PCNX2: variants seen among roughly 807,000 people sequenced by gnomAD.
The protein encoded by PCNX2 is pecanex 2, also known as pecanex-like protein 2.
In PCNX2, 168 loss-of-function variants were observed where a neutral mutation model predicts 223.8. The observed-to-expected ratio is 0.75, with a 90% confidence interval of 0.66 to 0.85. The LOEUF (loss-of-function observed/expected upper bound fraction) is 0.85, where lower values mean the gene tolerates loss of function less well. Ranked by LOEUF, PCNX2 falls within the 40% of genes least tolerant of loss-of-function variation. The probability of loss-of-function intolerance (pLI) is 0.00; values close to 1 mark genes in which losing one functional copy is unlikely to be tolerated. For synonymous variants in PCNX2, 1,006 were observed against 1,052.6 expected (o/e 0.96, Z 0.86); for missense variants, 2,507 against 2,675.5 (o/e 0.94, Z 1.39).
rs373174057 is a variant in PCNX2 at position 233,227,314 on chromosome 1, G to A, written c.2416C>T (p.Arg806Ter). The A allele has an allele frequency of 7.7e-5, 125 of 1,613,308 alleles. No homozygotes were observed. Among genetic ancestry groups the A allele is most frequent in the Non-Finnish European group, 9.8e-5 (116 of 1,179,666 alleles). ...ATGATAAATTTGTAAAACTGCTCTC[G>A]GTTAAATTTTCCTTGTGTTGAAGAA... ...SCSSTQGKFN[R>*]EQFYKFIIFP... is the part of the protein sequence containing the mutation. Residue 806 changes from arginine to a stop codon, truncating the protein, a stop_gained, in exon 10 of 34, where the codon CGA becomes TGA. Coordinates refer to ENST00000258229, the MANE Select transcript of PCNX2 (RefSeq NM_014801.4). LOFTEE classifies it high-confidence loss of function.
intron 13 of PCNX2, among the ~76,000 whole-genome samples, chr1:233,205,615 G>A (rs1178715441): frequency 1.3e-5 from 2 of 151,908 alleles, no homozygotes; most frequent in African/African-American, 4.8e-5. Flanking sequence ...AGAATCGCTT[G>A]AACCCAGGAG....
intron 25 of PCNX2, among the ~76,000 whole-genome samples, chr1:233,029,553 T>A (rs998483040): frequency 6.6e-6 from 1 of 152,290 alleles, no homozygotes; most frequent in Middle Eastern, 3.4e-3. Flanking sequence ...AAGAATGCCT[T>A]TTAAAGTTTC....
chr1:233,219,037 G>T (rs1368881156), intron 10 of PCNX2, among the ~76,000 whole-genome samples: 1 of 152,018 alleles, frequency 6.6e-6, no homozygotes, highest in Non-Finnish European at 1.5e-5. Context: ...GGGTGTGTCG[G>T]GTCCACACTG....
chr1:232,984,714 T>C (rs1163070209), intron 33 of PCNX2: 2 of 474,502 alleles, frequency 4.2e-6, no homozygotes, highest in Admixed American at 7.7e-5. Context: ...CCTTTCTGGA[T>C]GACTGCGCTG....
chr1:233,220,269 G>A lies in PCNX2; in HGVS notation c.2505-2085C>T, dbSNP rs538060479. On this transcript the variant is annotated intron_variant, in intron 10 of 33. Coordinates refer to ENST00000258229, the MANE Select transcript of PCNX2 (RefSeq NM_014801.4). ...TTCATGTGCAGTGTTTTGCATGGACGTATGTTTTCAACTCATTTGGGTAAA... is the reference window on the plus strand; with the variant it reads ...TTCATGTGCAGTGTTTTGCATGGACATATGTTTTCAACTCATTTGGGTAAA... Among the ~76,000 whole-genome samples the A allele has an allele frequency of 3.3e-5, 5 of 152,310 alleles. No individual in the cohort carries two copies. In the East Asian group the frequency reaches 7.7e-4, roughly 23 times the overall value.
chr1:233,269,733 A>T (rs958706219), intron 1 of PCNX2, among the ~76,000 whole-genome samples: 1 of 152,194 alleles, frequency 6.6e-6, no homozygotes, highest in African/African-American at 2.4e-5. Flanking sequence ...TGCCAAACAT[A>T]ACACTCACAC....
chr1:233,013,659 T>C (rs1381190347), intron 28 of PCNX2, among the ~76,000 whole-genome samples: 1 of 152,084 alleles, frequency 6.6e-6, no homozygotes, highest in African/African-American at 2.4e-5. Flanking sequence ...ATAGACACAA[T>C]GAAGCAAGTC....
intron 21 of PCNX2, among the ~76,000 whole-genome samples, chr1:233,096,601 C>A (rs1274655417): frequency 2.0e-5 from 3 of 152,120 alleles, no homozygotes; most frequent in African/African-American, 7.2e-5. Flanking sequence ...CAGTCAGTAT[C>A]CCACCAGGAT....
chr1:233,047,857 T>C (rs1175976327), intron 25 of PCNX2, among the ~76,000 whole-genome samples: 1 of 152,130 alleles, frequency 6.6e-6, no homozygotes, highest in African/African-American at 2.4e-5. Flanking sequence ...CTTGACCAAC[T>C]GGACCTAATA....
chr1:233,212,351 T>C (rs1233604518), intron 12 of PCNX2, among the ~76,000 whole-genome samples: 1 of 152,246 alleles, frequency 6.6e-6, no homozygotes, highest in Non-Finnish European at 1.5e-5. Flanking sequence ...CTCACCGGTT[T>C]ACTATTGAGA....
chr1:233,036,859 T>C (rs6667270), intron 25 of PCNX2, among the ~76,000 whole-genome samples: 55,285 of 152,090 alleles, frequency 0.36, 13,490 homozygotes, highest in African/African-American at 0.7. Flanking sequence ...CAAAGGAATT[T>C]AAGGGACAAT....
chr1:233,014,592 A>G, intron 28 of PCNX2, 73 bp downstream of exon 28: 1 of 1,175,232 alleles, frequency 8.5e-7, no homozygotes. Flanking sequence ...AAAGGAAATG[A>G]TTGACAAAAT....
At chr1:233,057,928 A>G in intron 23 of PCNX2, 1 of 985,472 alleles carries the variant, frequency 1.0e-6, no homozygotes, top group Non-Finnish European at 1.2e-6. Flanking sequence ...AGTGTCCACA[A>G]AGGTATCTTT....
chr1:233,258,304 T>C lies in PCNX2; in HGVS notation c.1558A>G (p.Lys520Glu). The C allele has an allele frequency of 6.2e-7, 1 of 1,614,054 alleles. No individual in the cohort carries two copies. The highest frequency in any genetic ancestry group is 8.5e-7 in the Non-Finnish European group (1 of 1,179,892). ...GQTNLDPSSC[K>E]SSHEKRHARV... ...GCATGCCTCTTTTCATGGCTGGACT[T>C]ACAAGACGATGGGTCAAGGTTAGTC... Residue 520 changes from lysine (K) to glutamate (E), a missense_variant, in exon 5 of 34, where the codon AAG (lysine) becomes GAG (glutamate). Physicochemically the swap from Lys to Glu is moderately conservative, Grantham distance 56. Coordinates refer to ENST00000258229, the MANE Select transcript of PCNX2 (RefSeq NM_014801.4).
intron 1 of PCNX2, among the ~76,000 whole-genome samples, chr1:233,291,391 C>T (rs957082580): frequency 2.6e-5 from 4 of 152,106 alleles, no homozygotes; most frequent in Non-Finnish European, 2.9e-5. Context: ...GGGCGGATCA[C>T]CTGATGTCGG....
At chr1:233,309,549 T>TAAC in the PCNX2 span, among the ~76,000 whole-genome samples, 3 of 117,508 alleles carry the variant, frequency 2.6e-5, no homozygotes, top group Admixed American at 8.4e-5. Context: ...AAAAAAATAA[T>TAAC]AATAATAATA....
At chr1:233,061,159 C>G (rs190267183) in intron 23 of PCNX2, among the ~76,000 whole-genome samples, 1 of 152,274 alleles carries the variant, frequency 6.6e-6, no homozygotes, top group African/African-American at 2.4e-5. Flanking sequence ...GGGGTCTGTT[C>G]ATATAGCAAA....
chr1:233,029,445 A>T (rs982317433), intron 25 of PCNX2, among the ~76,000 whole-genome samples: 1 of 152,210 alleles, frequency 6.6e-6, no homozygotes, highest in African/African-American at 2.4e-5. Flanking sequence ...AAAAGATTTT[A>T]AAAAGAAAAA....
At chr1:233,108,495 C>T (rs1173742019) in intron 21 of PCNX2, among the ~76,000 whole-genome samples, 22 of 152,224 alleles carry the variant, frequency 1.4e-4, no homozygotes, top group Non-Finnish European at 1.5e-5. Flanking sequence ...AAATTGCCGG[C>T]TCCTTCTCTC....
Sources: allele counts gnomAD v4.1 joint callset (sites outside exome capture counted in the v4.1 genomes callset), GRCh38; gene constraint gnomAD v4.1.1; transcripts MANE v1.5; gene names NCBI Gene and HGNC (gene_info 2026-07-23, HGNC 2026-07-21).